The following GABRB1 variants were observed in gnomAD, a reference collection of about 807,000 sequenced individuals.
GABRB1 encodes gamma-aminobutyric acid type A receptor subunit beta1, also known as gamma-aminobutyric acid receptor subunit beta-1.
GABRB1 carries 17 observed loss-of-function variants against 51.6 expected under a neutral mutation model. The observed-to-expected ratio is 0.33, with a 90% confidence interval of 0.23 to 0.49. The LOEUF (loss-of-function observed/expected upper bound fraction) is 0.49. GABRB1 is among the 20% of genes least tolerant of loss of function. The pLI is 0.99. For synonymous variants in GABRB1, 247 were observed against 218.9 expected, an observed-to-expected ratio of 1.13 and a Z score of -1.14; for missense variants, 410 against 600.6, an observed-to-expected ratio of 0.68 and a Z score of 3.32.
chr4:47,284,182 T>C (rs902294535), intron 4 of GABRB1, among the ~76,000 whole-genome samples: 1 of 152,088 alleles, frequency 6.6e-6, no homozygotes, highest in South Asian at 2.1e-4. Context: ...GGGTTGTCTT[T>C]TTTCTGTCCC....
At chr4:47,334,006 G>T (rs879839642) in intron 5 of GABRB1, among the ~76,000 whole-genome samples, 12 of 152,164 alleles carry the variant, frequency 7.9e-5, no homozygotes, top group Admixed American at 1.3e-4. Flanking sequence ...CCAAGGGCTT[G>T]CCTGCCCTCA....
chr4:47,107,521 A>G (rs1715018237), intron 3 of GABRB1, among the ~76,000 whole-genome samples: 1 of 152,126 alleles, frequency 6.6e-6, no homozygotes, highest in East Asian at 1.9e-4. Context: ...CAATAATGAC[A>G]TCTCAATTCT....
intron 3 of GABRB1, among the ~76,000 whole-genome samples, chr4:47,113,632 T>C (rs113327651): frequency 0.017 from 2,644 of 152,234 alleles, 35 homozygotes; most frequent in Middle Eastern, 0.027. Flanking sequence ...AGAACAATCA[T>C]GAGAGGGTAA....
chr4:47,393,353 A>T (rs1039559351), intron 5 of GABRB1, among the ~76,000 whole-genome samples: 11 of 152,204 alleles, frequency 7.2e-5, no homozygotes, highest in East Asian at 3.9e-4. Context: ...CAGATAAGCC[A>T]GGTAAAATTC....
At chr4:47,073,743 C>T (rs920482289) in intron 3 of GABRB1, among the ~76,000 whole-genome samples, 1 of 152,198 alleles carries the variant, frequency 6.6e-6, no homozygotes, top group Admixed American at 6.5e-5. Flanking sequence ...TTAATCTCTT[C>T]TGGCACTCAT....
intron 4 of GABRB1, among the ~76,000 whole-genome samples, chr4:47,186,431 A>G (rs1719186395): frequency 6.6e-6 from 1 of 151,878 alleles, no homozygotes; most frequent in African/African-American, 2.4e-5. Context: ...ACATTGATTT[A>G]TGGAAGAAAT....
chr4:47,047,394 T>C (rs1419733723), intron 3 of GABRB1, among the ~76,000 whole-genome samples: 2 of 152,124 alleles, frequency 1.3e-5, no homozygotes, highest in African/African-American at 4.8e-5. Context: ...ATGAAGTATA[T>C]ATCATTATTA....
At chr4:47,340,375 TCCA>T (rs1288434152) in intron 5 of GABRB1, among the ~76,000 whole-genome samples, 3 of 150,106 alleles carry the variant, frequency 2.0e-5, no homozygotes, top group African/African-American at 7.3e-5. Context: ...TGGCCTTTCC[TCCA>T]CCATGTTCCA....
At chr4:47,077,143 A>C (rs1227095949) in intron 3 of GABRB1, among the ~76,000 whole-genome samples, 1 of 152,162 alleles carries the variant, frequency 6.6e-6, no homozygotes, top group African/African-American at 2.4e-5. Flanking sequence ...TTTGTTCCAC[A>C]CATCTGAAAG....
intron 3 of GABRB1, among the ~76,000 whole-genome samples, chr4:47,095,523 A>T (rs926990442): frequency 6.6e-6 from 1 of 152,126 alleles, no homozygotes; most frequent in Non-Finnish European, 1.5e-5. Context: ...CATGATGGCA[A>T]CTCTACCATT....
chr4:47,243,247 C>T (rs945085044), intron 4 of GABRB1, among the ~76,000 whole-genome samples: 1 of 152,272 alleles, frequency 6.6e-6, no homozygotes, highest in Middle Eastern at 3.4e-3. Context: ...TGGTCTATAT[C>T]TCTGTTTTGG....
intron 3 of GABRB1, among the ~76,000 whole-genome samples, chr4:47,041,879 T>C (rs998899274): frequency 5.3e-5 from 8 of 152,186 alleles, no homozygotes; most frequent in African/African-American, 1.4e-4. Flanking sequence ...CCCACCCAAA[T>C]GCCTCTAGGT....
intron 3 of GABRB1, among the ~76,000 whole-genome samples, chr4:47,033,974 T>C (rs897972059): frequency 4.6e-5 from 7 of 152,192 alleles, no homozygotes; most frequent in African/African-American, 1.7e-4. Context: ...AGAAACACTC[T>C]GAGGAATGTA....
At chr4:47,082,362 C>A (rs1309252453) in intron 3 of GABRB1, among the ~76,000 whole-genome samples, 1 of 152,000 alleles carries the variant, frequency 6.6e-6, no homozygotes, top group Non-Finnish European at 1.5e-5. Context: ...GCCTATGATG[C>A]CTCTGACCTG....
chr4:47,057,233 T>C (rs566755862), intron 3 of GABRB1, among the ~76,000 whole-genome samples: 1 of 152,328 alleles, frequency 6.6e-6, no homozygotes, highest in East Asian at 1.9e-4. Context: ...ACCTCTCTCA[T>C]TGTGTCTCTG....
chr4:47,144,930 G>A (rs1717094291), intron 3 of GABRB1, among the ~76,000 whole-genome samples: 1 of 151,906 alleles, frequency 6.6e-6, no homozygotes, highest in Admixed American at 6.6e-5. Flanking sequence ...TGCTACAGGA[G>A]AGAGACATTA....
At chr4:47,424,154 GC>G (rs1438635049) in intron 8 of GABRB1, among the ~76,000 whole-genome samples, 1 of 152,152 alleles carries the variant, frequency 6.6e-6, no homozygotes, top group African/African-American at 2.4e-5. Context: ...GCTAACAAAT[GC>G]ATTACTGAGT....
rs1476938820 is a variant in GABRB1, at chr4:47,426,283, A to G, written c.*265A>G. 8 of 295,404 alleles carry G rather than the reference A, an allele frequency of 2.7e-5. No individual in the cohort carries two copies. In the South Asian group the frequency reaches 4.0e-4, roughly 15 times the overall value. 18.3% of individuals were successfully genotyped at this position (295,404 alleles called of 1,614,324 possible). On this transcript the variant is annotated 3_prime_UTR_variant, in exon 9 of 9. Coordinates refer to ENST00000295454, the MANE Select transcript of GABRB1 (RefSeq NM_000812.4). ...AATTGCCATGTTTACAAACAAACAC[A>G]AAGAGAGAAGTTAGACAGGTAGATC...
At chr4:47,293,860 T>C (rs1723855402) in intron 4 of GABRB1, among the ~76,000 whole-genome samples, 1 of 152,234 alleles carries the variant, frequency 6.6e-6, no homozygotes, top group South Asian at 2.1e-4. Flanking sequence ...CTAGGGAGTG[T>C]AATATTGAAA....
Sources: allele counts gnomAD v4.1 joint callset (sites outside exome capture counted in the v4.1 genomes callset), GRCh38; gene constraint gnomAD v4.1.1; transcripts MANE v1.5; gene names NCBI Gene and HGNC (gene_info 2026-07-23, HGNC 2026-07-21).